PI4KA: variants seen among roughly 807,000 people sequenced by gnomAD.
PI4KA encodes phosphatidylinositol 4-kinase alpha.
A neutral mutation model predicts 271.4 loss-of-function variants in PI4KA; 122 were observed. The ratio of observed to expected loss-of-function variants is 0.45; its 90% CI spans 0.39 to 0.52. PI4KA has a LOEUF of 0.52. Among genes scored for constraint, PI4KA ranks in the 20% least tolerant of loss-of-function variants. PI4KA has a pLI of 0.00. For missense variants in PI4KA, 1,969 were observed against 2,769.1 expected (o/e 0.71, Z 6.48); for synonymous variants, 1,041 against 1,078.8 (o/e 0.96, Z 0.69).
intron 1 of PI4KA, among the ~76,000 whole-genome samples, chr22:20,857,009 A>G (rs866632760): frequency 3.1e-4 from 47 of 152,332 alleles, no homozygotes; most frequent in African/African-American, 1.0e-3. Context: ...CTAAGAAGCG[A>G]ATGTGCTGAC....
intron 19 of PI4KA, among the ~76,000 whole-genome samples, chr22:20,766,768 G>A (rs892230014): frequency 6.6e-5 from 10 of 152,212 alleles, no homozygotes; most frequent in African/African-American, 2.2e-4. Flanking sequence ...TGTTGAGCCT[G>A]TGGTAAGCGG....
In PI4KA at chr22:20,742,841, C is replaced by T. The variant is rs957841798; in HGVS notation, c.3457-77G>A. On this transcript the variant is annotated intron_variant, in intron 30 of 54. Coordinates refer to ENST00000255882, the MANE Select transcript of PI4KA (RefSeq NM_058004.4). ...TAAGGTTCTGGAAGCCACCAGACCACACTTGTGGTGGCACTGGTGGGTGCC... is the reference window on the plus strand; with the variant it reads ...TAAGGTTCTGGAAGCCACCAGACCATACTTGTGGTGGCACTGGTGGGTGCC... 6 of 1,392,358 alleles carry T rather than the reference C, an allele frequency of 4.3e-6. No individual in the cohort carries two copies. In the East Asian group the frequency reaches 9.2e-5, roughly 21 times the overall value. The allele number at this position is 1,392,358 out of a possible 1,614,324, so 86.3% of individuals were successfully genotyped here. A position where few individuals can be genotyped will look rare whatever the true frequency, so the allele number is the denominator to read the frequency against.
chr22:20,836,242 C>A (rs897767801), intron 2 of PI4KA, among the ~76,000 whole-genome samples: 2 of 152,110 alleles, frequency 1.3e-5, no homozygotes, highest in African/African-American at 4.8e-5. Context: ...CCAACCGATG[C>A]TAAATGGAGT....
At chr22:20,845,173 A>G (rs527462235) in intron 1 of PI4KA, among the ~76,000 whole-genome samples, 8 of 152,310 alleles carry the variant, frequency 5.3e-5, no homozygotes, top group Middle Eastern at 3.4e-3. Flanking sequence ...CTTTAACCCA[A>G]GGATATTAAA....
chr22:20,776,495 T>C (rs1388092455), intron 19 of PI4KA, among the ~76,000 whole-genome samples: 2 of 152,144 alleles, frequency 1.3e-5, no homozygotes, highest in Non-Finnish European at 2.9e-5. Flanking sequence ...TCAAAAGTCT[T>C]TCTTAGTTGT....
chr22:20,761,982 A>C (rs1347924550), intron 22 of PI4KA, among the ~76,000 whole-genome samples: 2 of 152,262 alleles, frequency 1.3e-5, no homozygotes, highest in Non-Finnish European at 2.9e-5. Flanking sequence ...TCACGTCTAC[A>C]AAAGTGATAC....
Position 20,807,751 on chromosome 22 carries a change from A to G in PI4KA, c.1072-293T>C, listed in dbSNP as rs375854797. On this transcript the variant is annotated intron_variant, in intron 9 of 54. Transcript: ENST00000255882. ...CTGAAGCTCACCATCTTTGGCCATCATTGGCCCAGACAGGGACATGGGAAG... is the reference window on the plus strand; with the variant it reads ...CTGAAGCTCACCATCTTTGGCCATCGTTGGCCCAGACAGGGACATGGGAAG... Among the ~76,000 whole-genome samples the G allele has an allele frequency of 1.1e-4, 17 of 152,272 alleles. No individual in the cohort carries two copies. The South Asian group carries it at 2.9e-3, about 26-fold the overall frequency.
Position 20,711,321 on chromosome 22 carries a change from T to TGGC in PI4KA, c.5923+17_5923+19dup. On this transcript the variant is annotated intron_variant, in intron 51 of 54. Transcript: ENST00000255882. ...TGCCAGGGGTGAAGGGAGAGGAGGG[T>TGGC]GGCGCTGTGGCTGGCTGACCGATGT... The TGGC allele has an allele frequency of 7.4e-7, 1 of 1,352,824 alleles. No homozygotes were observed. Among genetic ancestry groups the TGGC allele is most frequent in the Non-Finnish European group, 1.0e-6 (1 of 985,764 alleles). 83.8% of individuals were successfully genotyped at this position (1,352,824 alleles called of 1,614,324 possible).
chr22:20,763,834 G>C (rs1601433880), intron 22 of PI4KA, among the ~76,000 whole-genome samples: 4 of 152,280 alleles, frequency 2.6e-5, no homozygotes, highest in Admixed American at 2.6e-4. Flanking sequence ...TTCCACATTT[G>C]GCTGTGTGTG....
At chr22:20,802,380 C>A (rs945735614) in intron 13 of PI4KA, among the ~76,000 whole-genome samples, 1 of 152,162 alleles carries the variant, frequency 6.6e-6, no homozygotes, top group Non-Finnish European at 1.5e-5. Context: ...GATGACCAAC[C>A]ACCAAAGGCA....
intron 19 of PI4KA, chr22:20,779,538 G>A: frequency 6.2e-7 from 1 of 1,613,952 alleles, no homozygotes; most frequent in Non-Finnish European, 8.5e-7. Context: ...GGGGGAGGAG[G>A]ACGACGACTA....
chr22:20,819,894 A>C lies in PI4KA; in HGVS notation c.536T>G (p.Leu179Arg). Residue 179 changes from leucine (L) to arginine (R), a missense_variant, in exon 6 of 55, where the codon CTT becomes CGT. Physicochemically the swap from Leu to Arg is moderately radical, Grantham distance 102. Coordinates refer to ENST00000255882, the MANE Select transcript of PI4KA (RefSeq NM_058004.4). ...CAGGCATGGGATAGCATACTTGCAA[A>C]GGTATTCTAGAAGATCAAGTGAAAA... ...QALEIQDKEY[L>R]CKYAIPCLIG... The C allele has an allele frequency of 6.2e-7, 1 of 1,613,384 alleles. No homozygotes were observed. The highest frequency in any genetic ancestry group is 8.5e-7 in the Non-Finnish European group (1 of 1,179,382).
intron 1 of PI4KA, among the ~76,000 whole-genome samples, chr22:20,850,150 T>C (rs113919781): frequency 1.2e-3 from 187 of 152,266 alleles, no homozygotes; most frequent in African/African-American, 4.2e-3. Context: ...GAAAGCACTA[T>C]TGAAAAACCT....
chr22:20,776,225 G>A (rs1933260681), intron 19 of PI4KA, among the ~76,000 whole-genome samples: 1 of 152,148 alleles, frequency 6.6e-6, no homozygotes, highest in Admixed American at 6.5e-5. Flanking sequence ...TCAAAAGGCT[G>A]AGGTGGGAGG....
chr22:20,819,226 T>C (rs1055756209), intron 6 of PI4KA, among the ~76,000 whole-genome samples: 1 of 152,130 alleles, frequency 6.6e-6, no homozygotes, highest in Non-Finnish European at 1.5e-5. Flanking sequence ...ATTTTCAACT[T>C]ATTGGACAGC....
At chr22:20,737,669 T>C (rs1433427472) in intron 32 of PI4KA, among the ~76,000 whole-genome samples, 5 of 151,532 alleles carry the variant, frequency 3.3e-5, no homozygotes, top group African/African-American at 7.3e-5. Context: ...TTCGCTCTTG[T>C]TGCCCAGGCT....
chr22:20,774,546 A>ACGT (rs902789568), intron 19 of PI4KA, among the ~76,000 whole-genome samples: 4 of 152,186 alleles, frequency 2.6e-5, no homozygotes, highest in Admixed American at 2.0e-4. Flanking sequence ...GTGGATCACG[A>ACGT]GGTCAGGAGT....
intron 1 of PI4KA, among the ~76,000 whole-genome samples, chr22:20,853,622 G>A (rs1221558893): frequency 1.3e-5 from 2 of 152,202 alleles, no homozygotes; most frequent in Non-Finnish European, 2.9e-5. Context: ...GTCCTCTGAG[G>A]TGGGTTCCAA....
At chr22:20,713,450 G>T (rs571346236) in intron 47 of PI4KA, 60 bp from the exon 48 acceptor site, 114 of 1,299,922 alleles carry the variant, frequency 8.8e-5, no homozygotes, top group Non-Finnish European at 1.2e-4. Context: ...CTCTGAGGGG[G>T]CCAGGGATGA....
Sources: gnomAD v4.1 joint callset for allele counts (sites outside exome capture counted in the v4.1 genomes callset) on GRCh38, gnomAD v4.1.1 for gene constraint, MANE v1.5 for transcripts, NCBI Gene and HGNC (gene_info 2026-07-23, HGNC 2026-07-21) for gene names.